MYLK: variants seen among roughly 807,000 people sequenced by gnomAD.
MYLK encodes the protein myosin light chain kinase.
MYLK carries 106 observed loss-of-function variants against 203.4 expected under a neutral mutation model. The ratio of observed to expected loss-of-function variants is 0.52; its 90% CI spans 0.45 to 0.61. MYLK has a LOEUF of 0.61. Among genes scored for constraint, MYLK ranks in the 20% least tolerant of loss-of-function variants. The pLI is 0.00. For missense variants in MYLK, 2,072 were observed against 2,442.3 expected (o/e 0.85, Z 3.20); for synonymous variants, 867 against 959.5 (o/e 0.90, Z 1.78).
At chr3:123,739,893 T>C (rs2062805749) in intron 6 of MYLK, 60 bp downstream of exon 6, 19 of 1,583,408 alleles carry the variant, frequency 1.2e-5, no homozygotes, top group Non-Finnish European at 1.6e-5. Flanking sequence ...AGACCTATCC[T>C]GCTCAAGTCA....
At chr3:123,854,412 C>G (rs1330143730) in intron 2 of MYLK, among the ~76,000 whole-genome samples, 1 of 152,002 alleles carries the variant, frequency 6.6e-6, no homozygotes, top group Non-Finnish European at 1.5e-5. Context: ...GTTGCCTAGT[C>G]TTCATTTTAA....
At chr3:123,651,945 C>G (rs1021271908) in intron 24 of MYLK, among the ~76,000 whole-genome samples, 2 of 152,170 alleles carry the variant, frequency 1.3e-5, no homozygotes, top group African/African-American at 2.4e-5. Context: ...GCAGGAAACT[C>G]GGATCAAGAG....
intron 5 of MYLK, among the ~76,000 whole-genome samples, chr3:123,745,635 C>A (rs2062991688): frequency 6.6e-6 from 1 of 152,018 alleles, no homozygotes; most frequent in South Asian, 2.1e-4. Flanking sequence ...TTTCTTAGTA[C>A]AGGGGATGAA....
intron 27 of MYLK, among the ~76,000 whole-genome samples, chr3:123,645,848 G>A (rs1175705395): frequency 6.6e-6 from 1 of 152,186 alleles, no homozygotes; most frequent in African/African-American, 2.4e-5. Flanking sequence ...GCAATTTGCT[G>A]AAAAAGCAAA....
In MYLK at chr3:123,722,245, C is replaced by T; in HGVS notation, c.1687G>A (p.Ala563Thr). The part of the protein sequence containing the change: ...PIQYARSTCE[A>T]GVAELHIQDA... ...TGGATGTGGAGCTCAGCCACGCCGGCCTCGCAGGTGGAGCGAGCGTACTGG... is the reference window on the plus strand; with the variant it reads ...TGGATGTGGAGCTCAGCCACGCCGGTCTCGCAGGTGGAGCGAGCGTACTGG... The change falls in exon 13 of 34, where the codon GCC becomes ACC. Residue 563 changes from alanine to threonine, a missense_variant. Transcript: ENST00000360304. 1 of 1,567,586 alleles carries T rather than the reference C, an allele frequency of 6.4e-7. No homozygotes were observed.
intron 26 of MYLK, 23 bp from the exon 27 acceptor site, chr3:123,647,450 A>G: frequency 6.2e-7 from 1 of 1,611,188 alleles, no homozygotes; most frequent in Non-Finnish European, 8.5e-7. Context: ...GGGGGAGGAG[A>G]GAAAAGCCAC....
chr3:123,668,680 G>A (rs76921651), intron 20 of MYLK, among the ~76,000 whole-genome samples: 37 of 152,216 alleles, frequency 2.4e-4, no homozygotes, highest in African/African-American at 8.2e-4. Flanking sequence ...CATAAAAAAT[G>A]AGGAAAAGCC....
chr3:123,694,633 A>G (rs2060832484), intron 18 of MYLK, among the ~76,000 whole-genome samples: 1 of 152,236 alleles, frequency 6.6e-6, no homozygotes, highest in Non-Finnish European at 1.5e-5. Flanking sequence ...TTTCAGTTTC[A>G]GTCCCTCAGC....
intron 33 of MYLK, among the ~76,000 whole-genome samples, chr3:123,614,985 G>GT (rs141719639): frequency 1.7e-3 from 249 of 146,638 alleles, no homozygotes; most frequent in African/African-American, 4.5e-3. Flanking sequence ...TTTTTAAAAA[G>GT]TTTTTTTTTT....
intron 4 of MYLK, among the ~76,000 whole-genome samples, chr3:123,759,064 A>T (rs1490047766): frequency 6.6e-6 from 1 of 152,196 alleles, no homozygotes; most frequent in East Asian, 1.9e-4. Context: ...GTCTCAAAAG[A>T]TCTGCCTGCC....
rs369489896 is a variant in MYLK at position 123,709,946 on chromosome 3, AAC to A, written c.1805-55_1805-54del. 165 of 1,609,184 alleles carry A rather than the reference AAC, an allele frequency of 1.0e-4. No individual in the cohort carries two copies. The African/African-American group carries it at 2.0e-3, about 20-fold the overall frequency. On this transcript the variant is annotated intron_variant, in intron 13 of 33. Coordinates refer to ENST00000360304, the MANE Select transcript of MYLK (RefSeq NM_053025.4). ...TGAACATTCATGCATTCATTCAACA[AAC>A]ACAGACTAAATGACCACTTGGTACA...
At chr3:123,712,901 T>C (rs1007600914) in intron 13 of MYLK, among the ~76,000 whole-genome samples, 10 of 152,248 alleles carry the variant, frequency 6.6e-5, no homozygotes, top group African/African-American at 2.2e-4. Flanking sequence ...ATCTATCCAC[T>C]TGGGCTCAAT....
intron 4 of MYLK, among the ~76,000 whole-genome samples, chr3:123,775,094 G>A (rs2064022478): frequency 6.6e-6 from 1 of 151,950 alleles, no homozygotes; most frequent in Non-Finnish European, 1.5e-5. Flanking sequence ...TGTAATCATA[G>A]CTCACTGCAG....
Position 123,614,059 on chromosome 3 carries a change from T to C in MYLK, c.*46A>G, listed in dbSNP as rs1297441909. The C allele has an allele frequency of 1.4e-6, 2 of 1,428,744 alleles. No homozygotes were observed. The highest frequency in any genetic ancestry group is 2.0e-6 in the Non-Finnish European group (2 of 1,022,532). The allele number at this position is 1,428,744 out of a possible 1,614,324, so 88.5% of individuals were successfully genotyped here. ...TTTTTTTTTTTGAGTTTTAGAGAAA[T>C]AGTCCTTTTAATATGACTTAGAAAC... On this transcript the variant is annotated 3_prime_UTR_variant, in exon 34 of 34. Coordinates refer to ENST00000360304, the MANE Select transcript of MYLK (RefSeq NM_053025.4).
chr3:123,722,293 C>T lies in MYLK; in HGVS notation c.1652-13G>A. 1 of 1,563,166 alleles carries T rather than the reference C, an allele frequency of 6.4e-7. No individual in the cohort carries two copies. Among genetic ancestry groups the T allele is most frequent in the African/African-American group, 1.4e-5 (1 of 73,986 alleles). ...TGGATGGGCTGCCCTGTGGAGGAAG[C>T]ACAGGAAGGCTCAGGCCAGGCAGCA... On this transcript the variant is annotated splice_polypyrimidine_tract_variant and intron_variant, in intron 12 of 33. Transcript: ENST00000360304.
At position 123,648,504 on chromosome 3, in the gene MYLK, G is replaced by A. The variant is rs1450276042; in HGVS notation, c.4415+467C>T. On this transcript the variant is annotated intron_variant, in intron 26 of 33. Transcript: ENST00000360304. This position sits in a 1 kb window ranked among gnomAD's most constrained non-coding sequence, Gnocchi z 4.5. The stretch of plus-strand genomic sequence containing the variant: ...TTATTTTATTGTTTTTAAGTTCCAG[G>A]GTACATGTGCAGGATGTGTACGTTA... Among the ~76,000 whole-genome samples, 2 of 152,006 alleles carry A rather than the reference G, an allele frequency of 1.3e-5. No homozygotes were observed. Among genetic ancestry groups the A allele is most frequent in the Admixed American group, 6.6e-5 (1 of 15,266 alleles).
intron 20 of MYLK, among the ~76,000 whole-genome samples, chr3:123,678,554 C>G (rs969608257): frequency 1.3e-5 from 2 of 150,998 alleles, no homozygotes; most frequent in African/African-American, 4.8e-5. Context: ...TGGTCATGAT[C>G]TATTTGATGA....
chr3:123,809,801 C>G (rs114161716), intron 3 of MYLK, among the ~76,000 whole-genome samples: 7 of 152,174 alleles, frequency 4.6e-5, no homozygotes, highest in African/African-American at 1.7e-4. Flanking sequence ...GGAAATAGGA[C>G]GTACACGCAG....
chr3:123,653,119 C>T (rs2059271010), intron 24 of MYLK, among the ~76,000 whole-genome samples: 1 of 152,078 alleles, frequency 6.6e-6, no homozygotes, highest in Admixed American at 6.5e-5. Context: ...TCAGAGCCAA[C>T]ATTAGCCGGG....
Sources: allele counts gnomAD v4.1 joint callset (sites outside exome capture counted in the v4.1 genomes callset), GRCh38; gene constraint gnomAD v4.1.1; non-coding constraint Gnocchi (gnomAD v3.1); transcripts MANE v1.5; gene names NCBI Gene and HGNC (gene_info 2026-07-23, HGNC 2026-07-21).